NCOA2: variants seen among roughly 807,000 people sequenced by gnomAD.
NCOA2 encodes the protein nuclear receptor coactivator 2, also known as class E basic helix-loop-helix protein 75.
NCOA2 carries 21 observed loss-of-function variants against 145.1 expected under a neutral mutation model. That is an observed-to-expected ratio of 0.14 (90% CI 0.10 to 0.21). The LOEUF is 0.21. Among genes scored for constraint, NCOA2 ranks in the 10% least tolerant of loss-of-function variants. NCOA2 has a pLI of 1.00. For missense variants in NCOA2, 1,472 were observed against 1,837.6 expected, an observed-to-expected ratio of 0.80 and a Z score of 3.64; for synonymous variants, 619 against 637.5, an observed-to-expected ratio of 0.97 and a Z score of 0.44.
chr8:70,269,709 T>C (rs935558724), intron 2 of NCOA2, among the ~76,000 whole-genome samples: 1 of 152,190 alleles, frequency 6.6e-6, no homozygotes, highest in Non-Finnish European at 1.5e-5. Flanking sequence ...AACTAACAAC[T>C]TCAATCAATA....
intron 1 of NCOA2, among the ~76,000 whole-genome samples, chr8:70,307,604 T>C (rs1827995007): frequency 6.6e-6 from 1 of 152,268 alleles, no homozygotes; most frequent in Admixed American, 6.5e-5. Context: ...CTTCCATTTG[T>C]GCTTACATTC....
At chr8:70,253,192 A>G (rs1490572127) in intron 2 of NCOA2, among the ~76,000 whole-genome samples, 2 of 152,228 alleles carry the variant, frequency 1.3e-5, no homozygotes, top group African/African-American at 4.8e-5. Flanking sequence ...GAAAAAAGAC[A>G]TATTTCCTTA....
intron 11 of NCOA2, among the ~76,000 whole-genome samples, chr8:70,148,983 T>C (rs947851202): frequency 1.3e-5 from 2 of 152,278 alleles, no homozygotes; most frequent in East Asian, 3.9e-4. Context: ...GATTTTTTTT[T>C]TTTTAATCTT....
chr8:70,337,043 G>A (rs557591972), intron 1 of NCOA2, among the ~76,000 whole-genome samples: 9 of 152,128 alleles, frequency 5.9e-5, no homozygotes, highest in Non-Finnish European at 1.3e-4. Context: ...ACGGAGACAA[G>A]TTTATATTTA....
rs111731258 is a variant in NCOA2 at position 70,287,032 on chromosome 8, C to T, written c.-20+9712G>A. Among the ~76,000 whole-genome samples the T allele has an allele frequency of 3.1e-3, 466 of 152,084 alleles. 5 individuals are homozygous for T. Among genetic ancestry groups the T allele is most frequent in the African/African-American group, 0.011 (453 of 41,462 alleles). ...CAGAGATGGGCGGATCACTTGAGCCCGGGAGTTAGAGACTAGCCTGGCCAA... is the reference window on the plus strand; with the variant it reads ...CAGAGATGGGCGGATCACTTGAGCCTGGGAGTTAGAGACTAGCCTGGCCAA... On this transcript the variant is annotated intron_variant, in intron 2 of 22. Transcript: ENST00000452400.
chr8:70,315,833 G>A (rs566019869), intron 1 of NCOA2, among the ~76,000 whole-genome samples: 65 of 152,306 alleles, frequency 4.3e-4, no homozygotes, highest in African/African-American at 1.4e-3. Flanking sequence ...CAGGCCACAC[G>A]GCTGGCGGCC....
Position 70,364,190 on chromosome 8 carries a change from C to T in NCOA2, c.-77+39510G>A, listed in dbSNP as rs538785503. ...AGGAAGCATTACCTTAGCTGTTAAT[C>T]CCAACACCAAATAAAGGGGCTATGG... On this transcript the variant is annotated intron_variant, in intron 1 of 22. Coordinates refer to ENST00000452400, the MANE Select transcript of NCOA2 (RefSeq NM_006540.4). Among the ~76,000 whole-genome samples, 11 of 152,006 alleles carry T rather than the reference C, an allele frequency of 7.2e-5. 1 individual carries two copies. In the South Asian group the frequency reaches 2.3e-3, roughly 32 times the overall value.
chr8:70,311,408 G>T (rs565741426), intron 1 of NCOA2, among the ~76,000 whole-genome samples: 1 of 152,116 alleles, frequency 6.6e-6, no homozygotes, highest in East Asian at 1.9e-4. Context: ...ACATTACATA[G>T]TAATTTGTCA....
the NCOA2 span, among the ~76,000 whole-genome samples, chr8:70,431,275 T>C: frequency 6.6e-6 from 1 of 152,154 alleles, no homozygotes; most frequent in East Asian, 1.9e-4. Context: ...CTATTGAACT[T>C]GGAGGGTTCG....
chr8:70,274,897 C>T (rs1207466906), intron 2 of NCOA2, among the ~76,000 whole-genome samples: 1 of 152,306 alleles, frequency 6.6e-6, no homozygotes, highest in Admixed American at 6.5e-5. Flanking sequence ...TGTCTCACCT[C>T]TTAGTGTCCA....
chr8:70,159,804 T>G, intron 9 of NCOA2, among the ~76,000 whole-genome samples, 152 bp from the exon 10 acceptor site: 1 of 152,206 alleles, frequency 6.6e-6, no homozygotes, highest in Non-Finnish European at 1.5e-5. Context: ...TTTATGAGAT[T>G]GAAACATAAC....
At chr8:70,305,557 C>T (rs1827822048) in intron 1 of NCOA2, among the ~76,000 whole-genome samples, 1 of 152,004 alleles carries the variant, frequency 6.6e-6, no homozygotes, top group Non-Finnish European at 1.5e-5. Flanking sequence ...CCAGGACTGC[C>T]CGAGCACAGG....
chr8:70,279,995 T>C (rs1239192576), intron 2 of NCOA2, among the ~76,000 whole-genome samples: 1 of 152,182 alleles, frequency 6.6e-6, no homozygotes, highest in Non-Finnish European at 1.5e-5. Flanking sequence ...CTGGTTTGAG[T>C]TGCATTTCTA....
At chr8:70,370,637 C>A (rs1181828454) in intron 1 of NCOA2, among the ~76,000 whole-genome samples, 1 of 151,828 alleles carries the variant, frequency 6.6e-6, no homozygotes, top group Non-Finnish European at 1.5e-5. Flanking sequence ...AAAATCTAAA[C>A]CTATGTAAGA....
At chr8:70,207,127 T>C (rs1409797704) in intron 4 of NCOA2, among the ~76,000 whole-genome samples, 1 of 152,198 alleles carries the variant, frequency 6.6e-6, no homozygotes, top group Non-Finnish European at 1.5e-5. Flanking sequence ...ATATACTCAA[T>C]ACAAAATTTA....
At chr8:70,356,507 G>A (rs972759143) in intron 1 of NCOA2, among the ~76,000 whole-genome samples, 3 of 152,086 alleles carry the variant, frequency 2.0e-5, no homozygotes, top group Non-Finnish European at 2.9e-5. Context: ...AAAAGGACAA[G>A]TGGAGAATAA....
In NCOA2 at chr8:70,131,959, G is replaced by A; in HGVS notation, c.3202C>T (p.Pro1068Ser). Reference protein sequence around the residue: ...SSPDDLLCPHPAAESPSDEGA... With the variant: ...SSPDDLLCPHSAAESPSDEGA... Reference sequence around the variant, plus strand: ...TCATCACTCGGAGACTCAGCTGCAGGATGTGGACATAGCAAGTCATCTGGA... The same window carrying A: ...TCATCACTCGGAGACTCAGCTGCAGAATGTGGACATAGCAAGTCATCTGGA... Residue 1068 changes from proline to serine, a missense_variant, in exon 16 of 23, where the codon CCT (proline) becomes TCT (serine). This residue lies in a region of NCOA2 where 953 missense variants were observed against 1,062.1 expected (regional missense o/e 0.90). Coordinates refer to ENST00000452400, the MANE Select transcript of NCOA2 (RefSeq NM_006540.4). 6.2e-7 allele frequency: 1 copy of A among 1,612,300 alleles called. No individual in the cohort carries two copies. The highest frequency in any genetic ancestry group is 8.5e-7 in the Non-Finnish European group (1 of 1,179,254).
At chr8:70,237,469 G>A (rs1180690164) in intron 2 of NCOA2, among the ~76,000 whole-genome samples, 1 of 141,880 alleles carries the variant, frequency 7.0e-6, no homozygotes, top group African/African-American at 2.6e-5. Flanking sequence ...TTTTGTATCT[G>A]TTAAAATTTA....
At chr8:70,269,173 T>C (rs564243591) in intron 2 of NCOA2, among the ~76,000 whole-genome samples, 1 of 152,354 alleles carries the variant, frequency 6.6e-6, no homozygotes, top group African/African-American at 2.4e-5. Flanking sequence ...ACCAGTACCA[T>C]GGAAGTATTT....
Sources: gnomAD v4.1 joint callset for allele counts (sites outside exome capture counted in the v4.1 genomes callset) on GRCh38, gnomAD v4.1.1 for gene constraint, gnomAD v4.1.1 regional missense constraint, MANE v1.5 for transcripts, NCBI Gene and HGNC (gene_info 2026-07-23, HGNC 2026-07-21) for gene names.